Variants in SPATA6 observed in about 807,000 individuals in gnomAD.
SPATA6 encodes the protein spermatogenesis associated 6, also known as spermatogenesis-associated protein 6.
In SPATA6, 56 loss-of-function variants were observed where a neutral mutation model predicts 65.3. The observed-to-expected ratio is 0.86, with a 90% CI of 0.69 to 1.07. The LOEUF is 1.07. Ranked by LOEUF, SPATA6 falls within the 50% of genes least tolerant of loss-of-function variation. The pLI, the probability that SPATA6 is intolerant of heterozygous loss-of-function variation, is 0.00. For synonymous variants in SPATA6, 199 were observed against 213.2 expected (o/e 0.93, Z 0.58); for missense variants, 590 against 594.8 (o/e 0.99, Z 0.08).
chr1:48,270,163 C>G, the SPATA6 span, among the ~76,000 whole-genome samples: 1 of 152,220 alleles, frequency 6.6e-6, no homozygotes, highest in South Asian at 2.1e-4. Context: ...CATCCTAAGT[C>G]TTTACCTAGA....
At chr1:48,470,175 T>C (rs140771802) in intron 1 of SPATA6, among the ~76,000 whole-genome samples, 1 of 152,282 alleles carries the variant, frequency 6.6e-6, no homozygotes, top group Non-Finnish European at 1.5e-5. Context: ...TCAGGAGAAA[T>C]GTAGCTATTC....
chr1:48,291,156 CCT>C (rs1557511410), downstream of SPATA6, among the ~76,000 whole-genome samples: 1 of 152,162 alleles, frequency 6.6e-6, no homozygotes, highest in African/African-American at 2.4e-5. Context: ...TCTCTCAGAC[CCT>C]GTGAGGGTCC....
chr1:48,337,785 C>T (rs1457850246), intron 11 of SPATA6, among the ~76,000 whole-genome samples: 1 of 151,754 alleles, frequency 6.6e-6, no homozygotes, highest in Non-Finnish European at 1.5e-5. Flanking sequence ...GAAAGACATG[C>T]TAGACCTATG....
At chr1:48,321,239 C>G (rs1475157635) in intron 11 of SPATA6, among the ~76,000 whole-genome samples, 1 of 151,840 alleles carries the variant, frequency 6.6e-6, no homozygotes, top group African/African-American at 2.4e-5. Flanking sequence ...AAATTAAAAA[C>G]AACAACAACA....
the SPATA6 span, among the ~76,000 whole-genome samples, chr1:48,281,370 A>G: frequency 1.3e-5 from 2 of 151,938 alleles, no homozygotes; most frequent in Non-Finnish European, 2.9e-5. Context: ...AGGGTATTCA[A>G]TTAGGAAAAG....
chr1:48,436,633 C>G (rs1460264013), intron 3 of SPATA6: 1 of 1,613,954 alleles, frequency 6.2e-7, no homozygotes, highest in Non-Finnish European at 8.5e-7. Flanking sequence ...GTATGATTTC[C>G]CACAGTTCAG....
intron 1 of SPATA6, among the ~76,000 whole-genome samples, chr1:48,453,643 T>C (rs1205895859): frequency 6.6e-6 from 1 of 152,210 alleles, no homozygotes; most frequent in East Asian, 1.9e-4. Context: ...TGAAAGTTTC[T>C]AGCCCAATAA....
chr1:48,436,230 A>G, intron 3 of SPATA6: 1 of 1,613,492 alleles, frequency 6.2e-7, no homozygotes, highest in Non-Finnish European at 8.5e-7. Flanking sequence ...TGGTAACTAT[A>G]AAAATTACAA....
chr1:48,266,068 T>A, the SPATA6 span, among the ~76,000 whole-genome samples: 1 of 152,202 alleles, frequency 6.6e-6, no homozygotes, highest in Non-Finnish European at 1.5e-5. Flanking sequence ...GTTGACTAAT[T>A]TCCTTTCCTA....
intron 11 of SPATA6, among the ~76,000 whole-genome samples, chr1:48,311,966 CA>C (rs1645226089): frequency 6.6e-6 from 1 of 152,198 alleles, no homozygotes; most frequent in South Asian, 2.1e-4. Context: ...GAGCCTCACT[CA>C]TTGCTACCAC....
intron 3 of SPATA6, among the ~76,000 whole-genome samples, chr1:48,450,028 CA>C (rs1466903444): frequency 3.3e-5 from 5 of 151,590 alleles, no homozygotes; most frequent in Non-Finnish European, 5.9e-5. Context: ...TAAACTCGCT[CA>C]TTTTTTTTTT....
intron 6 of SPATA6, among the ~76,000 whole-genome samples, chr1:48,399,991 T>C (rs1428185950): frequency 6.6e-6 from 1 of 151,948 alleles, no homozygotes; most frequent in Admixed American, 6.6e-5. Context: ...TACATATATA[T>C]TTAAATATTC....
chr1:48,434,259 G>GAAAAAAAAAAAAAAAAAAAAAA (rs530291772), intron 3 of SPATA6, among the ~76,000 whole-genome samples: 1 of 109,896 alleles, frequency 9.1e-6, no homozygotes, highest in Non-Finnish European at 1.8e-5. Context: ...AGCAGTGAAA[G>GAAAAAAAAAAAAAAAAAAAAAA]AAAAAAAAAA....
At chr1:48,396,208 T>C (rs1474806650) in intron 7 of SPATA6, among the ~76,000 whole-genome samples, 7 of 151,702 alleles carry the variant, frequency 4.6e-5, no homozygotes, top group Non-Finnish European at 8.9e-5. Context: ...GACGTACCCA[T>C]TAGGATGGCT....
At chr1:48,344,373 T>C (rs950690408) in intron 11 of SPATA6, 3 of 152,082 alleles carry the variant, frequency 2.0e-5, no homozygotes, top group African/African-American at 7.2e-5. Flanking sequence ...CAAGAGCTCC[T>C]GCAGGAAGCC....
chr1:48,309,917 A>G (rs151015797), intron 11 of SPATA6, among the ~76,000 whole-genome samples: 99 of 152,304 alleles, frequency 6.5e-4, no homozygotes, highest in Non-Finnish European at 1.2e-3. Context: ...CTAAGCCGTA[A>G]CTGATTGTTT....
chr1:48,353,045 T>C (rs1339563444), intron 11 of SPATA6, among the ~76,000 whole-genome samples: 4 of 150,606 alleles, frequency 2.7e-5, no homozygotes, highest in African/African-American at 9.8e-5. Flanking sequence ...TTAAAGAGAG[T>C]TCTTCATGTT....
At chr1:48,428,306 T>C (rs912071910) in intron 3 of SPATA6, among the ~76,000 whole-genome samples, 15 of 152,152 alleles carry the variant, frequency 9.9e-5, no homozygotes, top group African/African-American at 3.4e-4. Context: ...AATACAAAAA[T>C]AGCTGGGCGT....
chr1:48,454,007 C>CT (rs1220446870), intron 1 of SPATA6, among the ~76,000 whole-genome samples: 3,736 of 137,458 alleles, frequency 0.027, 58 homozygotes, highest in Non-Finnish European at 0.038. Context: ...ATCATATATT[C>CT]TTTTTTTTTT....
Sources: gnomAD v4.1 joint callset for allele counts (sites outside exome capture counted in the v4.1 genomes callset) on GRCh38, gnomAD v4.1.1 for gene constraint, MANE v1.5 for transcripts, NCBI Gene and HGNC (gene_info 2026-07-23, HGNC 2026-07-21) for gene names.